Variants in CLSTN2 observed in about 807,000 individuals in gnomAD.
The protein encoded by CLSTN2 is calsyntenin 2, also known as calsyntenin-2.
CLSTN2 carries 48 observed loss-of-function variants against 101.2 expected under a neutral mutation model. The observed-to-expected ratio is 0.47, with a 90% confidence interval of 0.38 to 0.60. CLSTN2 has a LOEUF of 0.60. Ranked by LOEUF, CLSTN2 falls within the 20% of genes least tolerant of loss-of-function variation. The pLI is 0.00. For missense variants in CLSTN2, 1,160 were observed against 1,238.2 expected (o/e 0.94, Z 0.95); for synonymous variants, 481 against 463.6 (o/e 1.04, Z -0.48).
intron 4 of CLSTN2, among the ~76,000 whole-genome samples, chr3:140,414,263 A>G (rs1377848674): frequency 6.6e-6 from 1 of 152,068 alleles, no homozygotes; most frequent in Admixed American, 6.6e-5. Flanking sequence ...CAAACTATCC[A>G]AAAAAATTTT....
intron 1 of CLSTN2, among the ~76,000 whole-genome samples, chr3:139,974,271 C>A (rs1246454463): frequency 1.3e-5 from 2 of 152,204 alleles, no homozygotes; most frequent in Non-Finnish European, 2.9e-5. Flanking sequence ...CCTTTGAGAA[C>A]CAGTTTGGAA....
intron 1 of CLSTN2, among the ~76,000 whole-genome samples, chr3:139,965,623 G>A (rs986547647): frequency 6.6e-6 from 1 of 152,178 alleles, no homozygotes; most frequent in African/African-American, 2.4e-5. Flanking sequence ...TCAGAGGACG[G>A]GGGCAAACAC....
intron 2 of CLSTN2, among the ~76,000 whole-genome samples, chr3:140,204,986 G>A (rs1167779866): frequency 6.6e-6 from 1 of 152,192 alleles, no homozygotes; most frequent in African/African-American, 2.4e-5. Context: ...AAATATGAAA[G>A]GGAGTTGGGG....
In CLSTN2 at chr3:140,456,476, A is replaced by T. The variant is rs142514386; in HGVS notation, c.974-3045A>T. On this transcript the variant is annotated intron_variant, in intron 6 of 16. Coordinates refer to ENST00000458420, the MANE Select transcript of CLSTN2 (RefSeq NM_022131.3). ...CCCAGTAAGGGTTCATAGGAAAACA[A>T]TAAAGTTCTGTAACTATAAAAAATA... Among the ~76,000 whole-genome samples, 49 of 152,340 alleles carry T rather than the reference A, an allele frequency of 3.2e-4. No homozygotes were observed. In the East Asian group the frequency reaches 7.7e-3, roughly 24 times the overall value.
intron 2 of CLSTN2, among the ~76,000 whole-genome samples, chr3:140,251,924 C>A (rs912954618): frequency 6.6e-6 from 1 of 152,118 alleles, no homozygotes; most frequent in Non-Finnish European, 1.5e-5. Context: ...CTGGAGGCAA[C>A]AGCTGTGACA....
intron 1 of CLSTN2, among the ~76,000 whole-genome samples, chr3:140,133,090 C>G (rs1213726122): frequency 6.6e-6 from 1 of 152,180 alleles, no homozygotes; most frequent in East Asian, 1.9e-4. Flanking sequence ...TCAGCTTCTG[C>G]AGAGGCCTCA....
intron 2 of CLSTN2, among the ~76,000 whole-genome samples, chr3:140,200,894 C>T (rs1307339681): frequency 1.3e-5 from 2 of 152,220 alleles, no homozygotes; most frequent in African/African-American, 2.4e-5. Context: ...CCAGTACACC[C>T]CCTCCCTATC....
At position 140,240,174 on chromosome 3, in the gene CLSTN2, C is replaced by CTCTCTCTA. The variant is rs1311225528; in HGVS notation, c.232+64102_232+64103insCTCTCTAT. Among the ~76,000 whole-genome samples the CTCTCTCTA allele has an allele frequency of 4.0e-3, 53 of 13,306 alleles. 1 individual carries two copies. The highest frequency in any genetic ancestry group is 0.011 in the Non-Finnish European group (31 of 2,800). The allele number at this position is 13,306 out of a possible 152,430, so 8.7% of individuals were successfully genotyped here. A position where few individuals can be genotyped will look rare whatever the true frequency, so the allele number is the denominator to read the frequency against. On this transcript the variant is annotated intron_variant, in intron 2 of 16. Transcript: ENST00000458420. ...TCTGTCTCTCTCTCTCTCTCTCTCTCTATATATATATATATATATATATAT... is the reference window on the plus strand; with the variant it reads ...TCTGTCTCTCTCTCTCTCTCTCTCTCTCTCTCTATATATATATATATATATATATATAT...
At chr3:140,157,673 T>C (rs2009977061) in intron 1 of CLSTN2, among the ~76,000 whole-genome samples, 1 of 152,054 alleles carries the variant, frequency 6.6e-6, no homozygotes, top group South Asian at 2.1e-4. Flanking sequence ...GTTTAATCTT[T>C]AGAAAATCAA....
chr3:140,310,661 T>C (rs2087159056), intron 2 of CLSTN2, among the ~76,000 whole-genome samples: 1 of 152,184 alleles, frequency 6.6e-6, no homozygotes, highest in South Asian at 2.1e-4. Context: ...ATCTATCCTA[T>C]TCTATTCTAT....
intron 8 of CLSTN2, among the ~76,000 whole-genome samples, chr3:140,518,781 A>G (rs2107772225): frequency 6.6e-6 from 1 of 152,282 alleles, no homozygotes; most frequent in Non-Finnish European, 1.5e-5. Context: ...GAGCCTCCAC[A>G]TGTCGCTCTG....
intron 1 of CLSTN2, among the ~76,000 whole-genome samples, chr3:140,092,616 G>A (rs1334104610): frequency 6.6e-6 from 1 of 152,158 alleles, no homozygotes; most frequent in Admixed American, 6.5e-5. Context: ...TGAGCCTTGG[G>A]AAACCATCAG....
chr3:140,566,271 C>A lies in CLSTN2; in HGVS notation c.*18C>A. Reference sequence around the variant, plus strand: ...CCTACTAGTGCCCAGGGGTCTGCTGCCTGGCCCACATGTCCCTTTTGTAAA... The same window carrying A: ...CCTACTAGTGCCCAGGGGTCTGCTGACTGGCCCACATGTCCCTTTTGTAAA... On this transcript the variant is annotated 3_prime_UTR_variant, in exon 17 of 17. Coordinates refer to ENST00000458420, the MANE Select transcript of CLSTN2 (RefSeq NM_022131.3). 1 of 1,551,860 alleles carries A rather than the reference C, an allele frequency of 6.4e-7. No individual in the cohort carries two copies. The highest frequency in any genetic ancestry group is 1.2e-5 in the South Asian group (1 of 84,318).
intron 2 of CLSTN2, among the ~76,000 whole-genome samples, chr3:140,286,043 G>A (rs1315447117): frequency 6.6e-6 from 1 of 152,140 alleles, no homozygotes; most frequent in African/African-American, 2.4e-5. Context: ...TTAGCGTTAG[G>A]CTCTAAGATG....
In CLSTN2 at chr3:140,562,959, G is replaced by A. The variant is rs935292593; in HGVS notation, c.2358+3G>A. ...CTAGCAATGAGTTCAACTTGGAGGT[G>A]AGTGGGTCCTGCCATTGTTAGGGAA... On this transcript the variant is annotated splice_donor_region_variant and intron_variant, in intron 14 of 16. Coordinates refer to ENST00000458420, the MANE Select transcript of CLSTN2 (RefSeq NM_022131.3). The A allele has an allele frequency of 1.2e-6, 2 of 1,614,072 alleles. No individual in the cohort carries two copies. The highest frequency in any genetic ancestry group is 1.7e-6 in the Non-Finnish European group (2 of 1,179,936).
At chr3:139,995,820 T>C (rs1248268811) in intron 1 of CLSTN2, among the ~76,000 whole-genome samples, 2 of 152,232 alleles carry the variant, frequency 1.3e-5, no homozygotes, top group African/African-American at 2.4e-5. Flanking sequence ...GGAACTTTAA[T>C]AGATGGAAGT....
At position 140,448,615 on chromosome 3, in the gene CLSTN2, T is replaced by C. The variant is rs1933154612; in HGVS notation, c.884T>C (p.Leu295Pro). The change falls in exon 6 of 17, where the codon CTC becomes CCC. Residue 295 changes from leucine (L) to proline (P), a missense_variant. By Grantham distance (98) the Leu-to-Pro change is moderately conservative. Coordinates refer to ENST00000458420, the MANE Select transcript of CLSTN2 (RefSeq NM_022131.3). Reference protein sequence around the residue: ...LETCDGAVSSLQIVTELQTNY... With the variant: ...LETCDGAVSSPQIVTELQTNY... Reference sequence around the variant, plus strand: ...ACGTGCGATGGAGCCGTGTCTTCCCTCCAGATCGTCACAGAGCTGCAGACT... The same window carrying C: ...ACGTGCGATGGAGCCGTGTCTTCCCCCCAGATCGTCACAGAGCTGCAGACT... 6.2e-7 allele frequency: 1 copy of C among 1,614,054 alleles called. No individual in the cohort carries two copies. Among genetic ancestry groups the C allele is most frequent in the Admixed American group, 1.7e-5 (1 of 60,024 alleles).
intron 1 of CLSTN2, among the ~76,000 whole-genome samples, chr3:139,987,532 C>T (rs1275838177): frequency 1.3e-5 from 2 of 152,220 alleles, no homozygotes; most frequent in African/African-American, 4.8e-5. Context: ...TTTCCAAAAG[C>T]TGCCTGCCAT....
intron 2 of CLSTN2, among the ~76,000 whole-genome samples, chr3:140,275,384 T>C (rs1209366615): frequency 6.6e-6 from 1 of 151,880 alleles, no homozygotes; most frequent in Non-Finnish European, 1.5e-5. Context: ...GTGATCCTCC[T>C]GCCTTCCTGC....
Sources: gnomAD v4.1 joint callset for allele counts (sites outside exome capture counted in the v4.1 genomes callset) on GRCh38, gnomAD v4.1.1 for gene constraint, MANE v1.5 for transcripts, NCBI Gene and HGNC (gene_info 2026-07-23, HGNC 2026-07-21) for gene names.